Variants in HK1 observed in about 807,000 individuals in gnomAD.
HK1 encodes hexokinase 1.
HK1 carries 28 observed loss-of-function variants against 91.6 expected under a neutral mutation model. The ratio of observed to expected loss-of-function variants is 0.31; its 90% CI spans 0.23 to 0.42. The LOEUF is 0.42. Among genes scored for constraint, HK1 ranks in the 10% least tolerant of loss-of-function variants. HK1 has a pLI of 1.00. For synonymous variants in HK1, 430 were observed against 468.1 expected, an observed-to-expected ratio of 0.92 and a Z score of 1.05; for missense variants, 770 against 1,219.8, an observed-to-expected ratio of 0.63 and a Z score of 5.49.
intron 5 of HK1, among the ~76,000 whole-genome samples, chr10:69,301,573 C>CAAAAAAAAAAAAAAAAAAAA (rs3086649): frequency 1.2e-5 from 1 of 80,806 alleles, no homozygotes; most frequent in Non-Finnish European, 2.3e-5. Context: ...GACTCTGTCT[C>CAAAAAAAAAAAAAAAAAAAA]AAAAAAAAAA....
At chr10:69,322,806 C>T (rs1847116319) in intron 1 of HK1, among the ~76,000 whole-genome samples, 1 of 151,568 alleles carries the variant, frequency 6.6e-6, no homozygotes, top group African/African-American at 2.4e-5. Context: ...CGGAGAATCA[C>T]TTGAACCTGG....
At chr10:69,276,882 G>A (rs909361908) in intron 1 of HK1, among the ~76,000 whole-genome samples, 2 of 151,376 alleles carry the variant, frequency 1.3e-5, no homozygotes, top group Non-Finnish European at 2.9e-5. Context: ...ATTGATAAAT[G>A]TATCTTCTCC....
chr10:69,338,717 T>G (rs764353784), intron 1 of HK1: 16 of 1,257,866 alleles, frequency 1.3e-5, no homozygotes, highest in Non-Finnish European at 1.5e-5. Flanking sequence ...GTGTAAGTAC[T>G]TGTGTGTGTA....
intron 15 of HK1, among the ~76,000 whole-genome samples, chr10:69,393,107 C>G (rs950808324): frequency 6.6e-6 from 1 of 151,546 alleles, no homozygotes; most frequent in Non-Finnish European, 1.5e-5. Flanking sequence ...TCAGCCTCCC[C>G]AGTAGCTGGG....
chr10:69,362,417 CAAG>C (rs1849474369), intron 3 of HK1, among the ~76,000 whole-genome samples: 3 of 148,102 alleles, frequency 2.0e-5, no homozygotes, highest in Admixed American at 2.0e-4. Flanking sequence ...TGTTGTCAGG[CAAG>C]AAGAGAAAAT....
intron 7 of HK1, among the ~76,000 whole-genome samples, chr10:69,374,327 T>G (rs1362555986): frequency 1.3e-5 from 2 of 152,166 alleles, no homozygotes; most frequent in Non-Finnish European, 2.9e-5. Context: ...CTCCCCCATC[T>G]CAGCCCTTCC....
intron 16 of HK1, among the ~76,000 whole-genome samples, chr10:69,395,719 T>C (rs551143677): frequency 1.8e-4 from 27 of 152,290 alleles, no homozygotes; most frequent in Non-Finnish European, 3.4e-4. Flanking sequence ...CACATACTTG[T>C]ATTGGGGGTG....
chr10:69,303,705 G>T (rs115480864), intron 5 of HK1, among the ~76,000 whole-genome samples: 1 of 148,258 alleles, frequency 6.7e-6, no homozygotes, highest in African/African-American at 2.5e-5. Flanking sequence ...ACTTGTAACC[G>T]CCCAACAGGT....
chr10:69,297,344 A>C lies in HK1; in HGVS notation c.-67+1664A>C, dbSNP rs553681889. Among the ~76,000 whole-genome samples, 279 of 152,206 alleles carry C rather than the reference A, an allele frequency of 1.8e-3. 3 individuals are homozygous for C. Among genetic ancestry groups the C allele is most frequent in the African/African-American group, 6.5e-3 (269 of 41,530 alleles). ...GTGTAGGCTGAGGAGGAGGTAGAGG[A>C]GGGCTTAGTCTTGCTGTCTCAGGGG... is the stretch of plus-strand genomic sequence containing the variant. On this transcript the variant is annotated intron_variant, in intron 4 of 21. Coordinates refer to the HK1 transcript ENST00000360289.
At chr10:69,381,070 A>G (rs983343237) in intron 9 of HK1, among the ~76,000 whole-genome samples, 1 of 152,224 alleles carries the variant, frequency 6.6e-6, no homozygotes, top group African/African-American at 2.4e-5. Flanking sequence ...TGGGAGGCTG[A>G]GGCAGGTGGA....
At position 69,379,851 on chromosome 10, in the gene HK1, T is replaced by C. The variant is rs756514127; in HGVS notation, c.1032-11T>C. 2.5e-6 allele frequency: 4 copies of C among 1,599,196 alleles called. No individual in the cohort carries two copies. Among genetic ancestry groups the C allele is most frequent in the Non-Finnish European group, 3.4e-6 (4 of 1,166,498 alleles). ...TCCTCAGTGCATCAGTATTGGCTTC[T>C]AACTTCACAGGAATAAGGAAGGCCT... On this transcript the variant is annotated splice_polypyrimidine_tract_variant and intron_variant, in intron 8 of 17. Coordinates refer to ENST00000359426, the MANE Select transcript of HK1 (RefSeq NM_000188.3).
upstream of HK1, among the ~76,000 whole-genome samples, chr10:69,314,307 G>A (rs1260187648): frequency 1.3e-5 from 2 of 152,208 alleles, no homozygotes; most frequent in Admixed American, 6.5e-5. Context: ...GTGAAACTTG[G>A]ACGGCATTCA....
At position 69,318,941 on chromosome 10, in the gene HK1, CGCCA is replaced by C. The variant is rs1162819476; in HGVS notation, c.-4_-1del. The C allele has an allele frequency of 1.3e-6, 2 of 1,589,820 alleles. No homozygotes were observed. The highest frequency in any genetic ancestry group is 3.5e-5 in the Admixed American group (2 of 57,762). On this transcript the variant is annotated 5_prime_UTR_variant, in exon 1 of 18. Coordinates refer to ENST00000359426, the MANE Select transcript of HK1 (RefSeq NM_000188.3). The stretch of plus-strand genomic sequence containing the variant: ...ACGCCTGCCGCCCCGCGACCCCGAC[CGCCA>C]GCATGATCGCCGCGCAGCTCCTGGC...
At chr10:69,329,793 C>A (rs893432913) in intron 1 of HK1, among the ~76,000 whole-genome samples, 1 of 152,036 alleles carries the variant, frequency 6.6e-6, no homozygotes, top group Non-Finnish European at 1.5e-5. Flanking sequence ...GTTCCCTGCC[C>A]CCCATCTCCT....
rs200543524 is a variant in HK1 at position 69,271,322 on chromosome 10, AT to A, written c.-391+1215del. Among the ~76,000 whole-genome samples, 6 of 152,286 alleles carry A rather than the reference AT, an allele frequency of 3.9e-5. No homozygotes were observed. In the East Asian group the frequency reaches 1.2e-3, roughly 29 times the overall value. On this transcript the variant is annotated intron_variant, in intron 1 of 21. Transcript: ENST00000360289. Reference sequence around the variant, plus strand: ...TTCTTTCTCAGAATAATGTTTTTAAATGCATAAAATACACAGGATTATAAGG... The same window carrying A: ...TTCTTTCTCAGAATAATGTTTTTAAAGCATAAAATACACAGGATTATAAGG...
chr10:69,271,431 T>G (rs1472818), intron 1 of HK1, among the ~76,000 whole-genome samples: 150,454 of 151,666 alleles, frequency 0.99, 74,642 homozygotes, highest in Non-Finnish European at 1. Flanking sequence ...AATGCATTAT[T>G]CAGCAAGATC....
intron 1 of HK1, among the ~76,000 whole-genome samples, chr10:69,327,988 G>A (rs1312322513): frequency 6.6e-6 from 1 of 152,214 alleles, no homozygotes; most frequent in East Asian, 1.9e-4. Flanking sequence ...CCCTGGTGCT[G>A]TGGGCTGACT....
intron 3 of HK1, among the ~76,000 whole-genome samples, chr10:69,291,117 G>C (rs1461168846): frequency 6.6e-6 from 1 of 152,228 alleles, no homozygotes; most frequent in Non-Finnish European, 1.5e-5. Flanking sequence ...CCCCTGCCTG[G>C]CTTTGCCAGT....
At chr10:69,303,726 C>G (rs1263630478) in intron 5 of HK1, among the ~76,000 whole-genome samples, 1 of 152,174 alleles carries the variant, frequency 6.6e-6, no homozygotes, top group Non-Finnish European at 1.5e-5. Context: ...TCACCTTGCC[C>G]ACTGCCTAGA....
Sources: allele counts gnomAD v4.1 joint callset (sites outside exome capture counted in the v4.1 genomes callset), GRCh38; gene constraint gnomAD v4.1.1; transcripts MANE v1.5; gene names NCBI Gene and HGNC (gene_info 2026-07-23, HGNC 2026-07-21).